WIPF1: variants seen among roughly 807,000 people sequenced by gnomAD.
The protein encoded by WIPF1 is WAS/WASL-interacting protein family member 1.
Under a neutral mutation model 35.4 loss-of-function variants are expected in WIPF1, and 13 were observed. That is an observed-to-expected ratio of 0.37 (90% CI 0.24 to 0.58). WIPF1 has a LOEUF of 0.58. Ranked by LOEUF, WIPF1 falls within the 20% of genes least tolerant of loss-of-function variation. The pLI is 0.74. For missense variants in WIPF1, 591 were observed against 667.0 expected (o/e 0.89, Z 1.25); for synonymous variants, 267 against 266.3 (o/e 1.00, Z -0.02).
chr2:174,563,656 C>T (rs1684555495), intron 7 of WIPF1, among the ~76,000 whole-genome samples: 1 of 152,206 alleles, frequency 6.6e-6, no homozygotes, highest in African/African-American at 2.4e-5. Context: ...AAAAAAAATT[C>T]ATTTACTACA....
chr2:174,574,973 G>A, intron 4 of WIPF1: 1 of 748,794 alleles, frequency 1.3e-6, no homozygotes, highest in Non-Finnish European at 2.4e-6. Context: ...AAAATGTACA[G>A]GTTACCCCCA....
At chr2:174,574,785 G>A (rs1424169130) in intron 4 of WIPF1, 11 of 682,272 alleles carry the variant, frequency 1.6e-5, no homozygotes, top group East Asian at 1.1e-4. Context: ...TCCACAAGAT[G>A]TGCTCCATCG....
At chr2:174,650,794 A>C (rs1049156999) in intron 1 of WIPF1, among the ~76,000 whole-genome samples, 7 of 152,240 alleles carry the variant, frequency 4.6e-5, no homozygotes, top group African/African-American at 1.7e-4. Context: ...CTCTTTCAGA[A>C]GGCTGGGCAG....
At chr2:174,676,781 C>A (rs1342448634) in intron 1 of WIPF1, 2 of 152,156 alleles carry the variant, frequency 1.3e-5, no homozygotes, top group African/African-American at 2.4e-5. Flanking sequence ...CCCACAAGAA[C>A]AAAACTTCCC....
At chr2:174,606,593 G>A (rs1321147893) in intron 1 of WIPF1, among the ~76,000 whole-genome samples, 2 of 152,082 alleles carry the variant, frequency 1.3e-5, no homozygotes, top group East Asian at 1.9e-4. Flanking sequence ...TGTCAGTCCC[G>A]GAAAAGTCTT....
At chr2:174,629,270 A>T (rs944967006) in intron 1 of WIPF1, among the ~76,000 whole-genome samples, 1 of 152,220 alleles carries the variant, frequency 6.6e-6, no homozygotes, top group Non-Finnish European at 1.5e-5. Flanking sequence ...ATTCATCAGG[A>T]TCTTATAAAA....
upstream of WIPF1, among the ~76,000 whole-genome samples, chr2:174,600,922 T>TC (rs982310101): frequency 4.2e-5 from 5 of 118,070 alleles, no homozygotes; most frequent in Non-Finnish European, 7.3e-5. Flanking sequence ...CTTTTTTTTT[T>TC]TTTTTTTTTT....
In WIPF1 at chr2:174,567,168, C is replaced by A; in HGVS notation, c.1358G>T (p.Arg453Ile). The A allele has an allele frequency of 6.2e-7, 1 of 1,614,190 alleles. No individual in the cohort carries two copies. The highest frequency in any genetic ancestry group is 8.5e-7 in the Non-Finnish European group (1 of 1,180,006). ...ATCGGAAATCGGATGGAAGTAGAAT[C>A]TGCTTTCCCACTCATCTGGGAAGAG... ...DSPCEDEWESRFYFHPISDLP... is the reference protein window; with the variant it reads ...DSPCEDEWESIFYFHPISDLP... The change falls in exon 7 of 8, where the codon AGA becomes ATA. Residue 453 changes from arginine to isoleucine, a missense_variant. Arg to Ile is a moderately conservative substitution (Grantham distance 97). Transcript: ENST00000679041.
At chr2:174,596,945 A>T (rs1177758310) in intron 1 of WIPF1, among the ~76,000 whole-genome samples, 3 of 152,248 alleles carry the variant, frequency 2.0e-5, no homozygotes, top group African/African-American at 7.2e-5. Context: ...TGAAATTTTA[A>T]AAATCACAAT....
intron 1 of WIPF1, among the ~76,000 whole-genome samples, chr2:174,648,136 C>T (rs1471953479): frequency 6.6e-6 from 1 of 152,156 alleles, no homozygotes; most frequent in Non-Finnish European, 1.5e-5. Flanking sequence ...AGCAGACTTA[C>T]AAAACAGAAA....
chr2:174,628,479 GC>G (rs1449224154), intron 1 of WIPF1, among the ~76,000 whole-genome samples: 1 of 152,198 alleles, frequency 6.6e-6, no homozygotes, highest in Non-Finnish European at 1.5e-5. Context: ...CCAGTTCATT[GC>G]CCACAACCTT....
Position 174,571,207 on chromosome 2 carries a change from G to A in WIPF1, c.1129+469C>T. The A allele has an allele frequency of 7.9e-6, 2 of 253,600 alleles. No homozygotes were observed. The highest frequency in any genetic ancestry group is 1.5e-5 in the Non-Finnish European group (2 of 132,102). The allele number at this position is 253,600 out of a possible 1,614,324, so 15.7% of individuals were successfully genotyped here. Reference sequence around the variant, plus strand: ...TTAGTCTTTAATGAATAGGGAAATGGCCTCAAAGCCTGGCGAATGAAGAGA... The same window carrying A: ...TTAGTCTTTAATGAATAGGGAAATGACCTCAAAGCCTGGCGAATGAAGAGA... On this transcript the variant is annotated intron_variant, in intron 5 of 7. Transcript: ENST00000679041. The surrounding 1 kb of genome is among the most constrained non-coding windows in gnomAD (Gnocchi z 4.6).
At chr2:174,603,305 T>C (rs907665209) in intron 1 of WIPF1, among the ~76,000 whole-genome samples, 1 of 152,218 alleles carries the variant, frequency 6.6e-6, no homozygotes, top group African/African-American at 2.4e-5. Flanking sequence ...GCTGGTATGG[T>C]CACGTTTTCT....
At chr2:174,647,590 T>C (rs1409653026) in intron 1 of WIPF1, among the ~76,000 whole-genome samples, 2 of 150,456 alleles carry the variant, frequency 1.3e-5, no homozygotes, top group Non-Finnish European at 2.9e-5. Context: ...GTCAGGCTAG[T>C]CTTGAACTCC....
chr2:174,650,290 G>A (rs762192577), intron 1 of WIPF1, among the ~76,000 whole-genome samples: 30 of 152,244 alleles, frequency 2.0e-4, no homozygotes, highest in Admixed American at 9.2e-4. Flanking sequence ...CTGAATGAAC[G>A]AAAGATGACT....
intron 1 of WIPF1, chr2:174,625,886 A>G (rs1198106290): frequency 2.6e-5 from 4 of 152,244 alleles, no homozygotes; most frequent in African/African-American, 7.2e-5. Flanking sequence ...TTGAAGTTGC[A>G]TATTTCGATC....
At chr2:174,609,122 T>C (rs939065808) in intron 1 of WIPF1, among the ~76,000 whole-genome samples, 1 of 152,130 alleles carries the variant, frequency 6.6e-6, no homozygotes, top group African/African-American at 2.4e-5. Context: ...GTGAGTGCCA[T>C]AAGAATGGGG....
intron 1 of WIPF1, among the ~76,000 whole-genome samples, chr2:174,642,415 C>T (rs1225722857): frequency 1.7e-4 from 22 of 130,584 alleles, no homozygotes; most frequent in African/African-American, 5.3e-4. Flanking sequence ...GGCGCAATCA[C>T]GGCTCACTGC....
In WIPF1 at chr2:174,582,022, T is replaced by G. The variant is rs111616484; in HGVS notation, c.52-583A>C. On this transcript the variant is annotated intron_variant, in intron 2 of 7. Coordinates refer to ENST00000679041, the MANE Select transcript of WIPF1 (RefSeq NM_001375834.1). ...TAATTTACACATAGTGAAATCACCCTTTTTAGTTACAGCTCTATGAGTTTT... is the reference window on the plus strand; with the variant it reads ...TAATTTACACATAGTGAAATCACCCGTTTTAGTTACAGCTCTATGAGTTTT... 6.3e-3 allele frequency among the ~76,000 whole-genome samples: 957 copies of G among 152,338 alleles called. 13 individuals are homozygous for G. The highest frequency in any genetic ancestry group is 0.022 in the African/African-American group (923 of 41,580).
Sources: gnomAD v4.1 joint callset for allele counts (sites outside exome capture counted in the v4.1 genomes callset) on GRCh38, gnomAD v4.1.1 for gene constraint, Gnocchi (gnomAD v3.1) non-coding constraint, MANE v1.5 for transcripts, NCBI Gene and HGNC (gene_info 2026-07-23, HGNC 2026-07-21) for gene names.